MREG: variants seen among roughly 807,000 people sequenced by gnomAD.
MREG encodes dilute suppressor protein homolog.
In MREG, 31 loss-of-function variants were observed where a neutral mutation model predicts 28.5. The ratio of observed to expected loss-of-function variants is 1.09; its 90% CI spans 0.82 to 1.47. The LOEUF (loss-of-function observed/expected upper bound fraction) is 1.47. MREG is among the 40% of genes most tolerant of loss of function. MREG has a pLI of 0.00. For missense variants in MREG, 256 were observed against 257.4 expected (o/e 0.99, Z 0.04); for synonymous variants, 106 against 95.2 (o/e 1.11, Z -0.66).
At chr2:215,959,018 G>A (rs1039146650) in intron 2 of MREG, among the ~76,000 whole-genome samples, 2 of 152,026 alleles carry the variant, frequency 1.3e-5, no homozygotes, top group Admixed American at 6.6e-5. Flanking sequence ...TGGGATTCAG[G>A]ATCTGCTGCC....
intron 3 of MREG, among the ~76,000 whole-genome samples, chr2:215,946,600 T>C (rs1276467226): frequency 1.3e-5 from 2 of 152,204 alleles, no homozygotes; most frequent in Admixed American, 1.3e-4. Flanking sequence ...TTTTCTTCCA[T>C]ATTTCTTCCG....
At chr2:215,969,345 CA>C (rs1317845099) in intron 2 of MREG, among the ~76,000 whole-genome samples, 2 of 152,178 alleles carry the variant, frequency 1.3e-5, no homozygotes, top group Non-Finnish European at 2.9e-5. Flanking sequence ...GACCCATGAT[CA>C]ACATCTGAAC....
At chr2:216,031,432 AGAAAGAAAGAAAAAGAAAGAAAGAG>A (rs1446743866) in intron 1 of MREG, among the ~76,000 whole-genome samples, 2 of 143,296 alleles carry the variant, frequency 1.4e-5, no homozygotes, top group Admixed American at 7.4e-5. Flanking sequence ...AAGAAAGAAA[AGAAAGAAAGAAAAAGAAAGAAAGAG>A]AGAAAGAAAG....
chr2:215,984,654 GT>G (rs1194889506), intron 2 of MREG, among the ~76,000 whole-genome samples: 6 of 151,708 alleles, frequency 4.0e-5, no homozygotes, highest in Non-Finnish European at 8.8e-5. Flanking sequence ...ACTAAACAAA[GT>G]GAAGAAGGGA....
At chr2:216,006,501 T>C (rs1032017253) in intron 1 of MREG, among the ~76,000 whole-genome samples, 3 of 152,336 alleles carry the variant, frequency 2.0e-5, no homozygotes, top group Middle Eastern at 3.4e-3. Flanking sequence ...TGTGAATCAT[T>C]GTCCGGCCCC....
At chr2:216,027,682 G>A (rs1028272441) in intron 1 of MREG, among the ~76,000 whole-genome samples, 10 of 152,108 alleles carry the variant, frequency 6.6e-5, no homozygotes, top group African/African-American at 2.4e-4. Context: ...GACAGAACAA[G>A]AATCTGTCTC....
chr2:215,946,338 C>T (rs777224584), intron 3 of MREG, among the ~76,000 whole-genome samples: 16 of 151,450 alleles, frequency 1.1e-4, no homozygotes, highest in Non-Finnish European at 2.4e-4. Context: ...CCATAGAGAT[C>T]GGTCACATGG....
At chr2:215,947,330 C>T (rs1337963555) in intron 2 of MREG, among the ~76,000 whole-genome samples, 2 of 152,176 alleles carry the variant, frequency 1.3e-5, no homozygotes, top group Admixed American at 1.3e-4. Context: ...GATATGGCAC[C>T]TTGCATAAAT....
chr2:215,944,927 G>C lies in MREG; in HGVS notation c.581C>G (p.Pro194Arg). ...GCCATCTGCCAGGCATGGAACCCCA[G>C]GCTTCTTGGGGTAAGTTCGACGAGC... ...KLARRTYPKK[P>R]GVPCLADGQK... Residue 194 changes from proline to arginine, a missense_variant, in exon 5 of 5, where the codon CCT becomes CGT. Physicochemically the swap from Pro to Arg is moderately radical, Grantham distance 103. Transcript: ENST00000263268. The C allele has an allele frequency of 6.2e-7, 1 of 1,608,642 alleles. No homozygotes were observed. Among genetic ancestry groups the C allele is most frequent in the Non-Finnish European group, 8.5e-7 (1 of 1,175,584 alleles).
rs377233049 is a variant in MREG, at chr2:215,984,405, T to A, written c.255+11901A>T. ...ACAATGGCTCATGCCTGCAATCCAA[T>A]GCTTTGGGAGGCCAAGGCAGAAGAA... On this transcript the variant is annotated intron_variant, in intron 2 of 4. Transcript: ENST00000263268. Among the ~76,000 whole-genome samples, 11 of 150,018 alleles carry A rather than the reference T, an allele frequency of 7.3e-5. No individual in the cohort carries two copies. The East Asian group carries it at 2.2e-3, about 30-fold the overall frequency.
In MREG at chr2:215,993,802, CAT is replaced by C. The variant is rs574847301; in HGVS notation, c.255+2502_255+2503del. On this transcript the variant is annotated intron_variant, in intron 2 of 4. Transcript: ENST00000263268. ...AGAAGACATTTGTGCGGCCAACAAA[CAT>C]ATGAAAAAAGCTCATCATCACTGGT... Among the ~76,000 whole-genome samples, 1,107 of 152,282 alleles carry C rather than the reference CAT, an allele frequency of 7.3e-3. 15 individuals carry two copies. Among genetic ancestry groups the C allele is most frequent in the African/African-American group, 0.024 (986 of 41,562 alleles).
At chr2:215,972,617 G>GAAAA (rs34332971) in intron 2 of MREG, among the ~76,000 whole-genome samples, 1 of 103,666 alleles carries the variant, frequency 9.6e-6, no homozygotes, top group African/African-American at 3.5e-5. Context: ...CTCTCTCCCA[G>GAAAA]AAAAAAAAAA....
chr2:216,011,663 C>A (rs948757908), intron 1 of MREG, among the ~76,000 whole-genome samples: 1 of 152,210 alleles, frequency 6.6e-6, no homozygotes, highest in Non-Finnish European at 1.5e-5. Flanking sequence ...TTCTTAAAAT[C>A]ACATGCAAAA....
upstream of MREG, chr2:216,013,655 C>T (rs1694378721): frequency 6.6e-6 from 1 of 152,414 alleles, no homozygotes. Flanking sequence ...GCAGGGACTC[C>T]AGCCAGTCCT....
At chr2:215,982,424 G>A (rs1364316094) in intron 2 of MREG, among the ~76,000 whole-genome samples, 2 of 152,014 alleles carry the variant, frequency 1.3e-5, no homozygotes, top group Admixed American at 6.6e-5. Context: ...AAAGGAGAAC[G>A]GGGATGAGCA....
At chr2:215,956,933 C>T (rs1362105543) in intron 2 of MREG, among the ~76,000 whole-genome samples, 1 of 151,962 alleles carries the variant, frequency 6.6e-6, no homozygotes, top group Admixed American at 6.6e-5. Flanking sequence ...AGACGGATAC[C>T]CTTATAATCC....
chr2:216,013,338 G>A lies in MREG; in HGVS notation c.-11C>T. ...GTCCCTCAGCCCCATGGAGAGCGAGGGCCCCCACCGGCGCCGGAAGCCTGG... is the reference window on the plus strand; with the variant it reads ...GTCCCTCAGCCCCATGGAGAGCGAGAGCCCCCACCGGCGCCGGAAGCCTGG... On this transcript the variant is annotated 5_prime_UTR_variant, in exon 1 of 5. Transcript: ENST00000263268. 1 of 1,511,242 alleles carries A rather than the reference G, an allele frequency of 6.6e-7. No homozygotes were observed. Among genetic ancestry groups the A allele is most frequent in the South Asian group, 1.2e-5 (1 of 80,634 alleles). The allele number at this position is 1,511,242 out of a possible 1,614,324, so 93.6% of individuals were successfully genotyped here. A position where few individuals can be genotyped will look rare whatever the true frequency, so the allele number is the denominator to read the frequency against.
chr2:215,976,276 T>A (rs1040020034), intron 2 of MREG, among the ~76,000 whole-genome samples: 1 of 152,234 alleles, frequency 6.6e-6, no homozygotes, highest in Non-Finnish European at 1.5e-5. Flanking sequence ...ATCTGTTGGT[T>A]CTGTCTGGGT....
chr2:216,027,476 G>A (rs566390386), intron 1 of MREG, among the ~76,000 whole-genome samples: 4 of 152,166 alleles, frequency 2.6e-5, no homozygotes, highest in Admixed American at 6.5e-5. Context: ...AAGATCATTC[G>A]AGGCCAGGAG....
Sources: gnomAD v4.1 joint callset for allele counts (sites outside exome capture counted in the v4.1 genomes callset) on GRCh38, gnomAD v4.1.1 for gene constraint, MANE v1.5 for transcripts, NCBI Gene and HGNC (gene_info 2026-07-23, HGNC 2026-07-21) for gene names.